Variants in VPS41 observed in about 807,000 individuals in gnomAD.
VPS41 encodes VPS41 subunit of HOPS complex, also known as vacuolar protein sorting-associated protein 41 homolog.
A neutral mutation model predicts 130.9 loss-of-function variants in VPS41; 85 were observed. That is an observed-to-expected ratio of 0.65 (90% CI 0.55 to 0.78). VPS41 has a LOEUF of 0.78. Ranked by LOEUF, VPS41 falls within the 30% of genes least tolerant of loss-of-function variation. VPS41 has a pLI of 0.00. For missense variants in VPS41, 874 were observed against 1,018.7 expected (o/e 0.86, Z 1.93); for synonymous variants, 335 against 332.9 (o/e 1.01, Z -0.07).
intron 13 of VPS41, 56 bp from the exon 14 acceptor site, chr7:38,771,310 G>T: frequency 8.0e-7 from 1 of 1,248,792 alleles, no homozygotes; most frequent in Non-Finnish European, 1.1e-6. Flanking sequence ...AAAGGAGGGA[G>T]GGAAAATGGG....
At chr7:38,908,011 A>G (rs746688074) in intron 1 of VPS41, among the ~76,000 whole-genome samples, 43 of 152,222 alleles carry the variant, frequency 2.8e-4, no homozygotes, top group Non-Finnish European at 5.3e-4. Flanking sequence ...GACCAGCCAA[A>G]CCAAATTTCT....
intron 2 of VPS41, among the ~76,000 whole-genome samples, chr7:38,884,510 A>G (rs1786678839): frequency 6.6e-6 from 1 of 152,172 alleles, no homozygotes; most frequent in Non-Finnish European, 1.5e-5. Flanking sequence ...CAAAGGTAAC[A>G]CAATTTTTTT....
intron 10 of VPS41, among the ~76,000 whole-genome samples, chr7:38,779,460 C>A (rs796172554): frequency 6.6e-6 from 1 of 152,078 alleles, no homozygotes; most frequent in Non-Finnish European, 1.5e-5. Context: ...TATCTGGTTT[C>A]GAGTACTCTC....
At chr7:38,776,596 T>C (rs1784263033) in intron 11 of VPS41, 83 bp downstream of exon 11, 4 of 739,860 alleles carry the variant, frequency 5.4e-6, no homozygotes, top group South Asian at 3.2e-5. Flanking sequence ...TTATAGCGTA[T>C]GCTACTGATG....
intron 2 of VPS41, among the ~76,000 whole-genome samples, chr7:38,877,639 G>A (rs374531131): frequency 6.6e-6 from 1 of 152,100 alleles, no homozygotes; most frequent in African/African-American, 2.4e-5. Flanking sequence ...CAAGTGCAAA[G>A]AAGCAACTTG....
chr7:38,731,423 C>T (rs1022236895), intron 25 of VPS41, among the ~76,000 whole-genome samples: 7 of 152,178 alleles, frequency 4.6e-5, no homozygotes, highest in Non-Finnish European at 7.3e-5. Context: ...AAAATTCATA[C>T]TTGCAATTTC....
chr7:38,829,389 G>A (rs1250393503), intron 5 of VPS41, among the ~76,000 whole-genome samples: 1 of 152,164 alleles, frequency 6.6e-6, no homozygotes, highest in East Asian at 1.9e-4. Flanking sequence ...ACTGACTTTA[G>A]GGCACATAAT....
At chr7:38,810,093 T>C (rs1784912918) in intron 7 of VPS41, among the ~76,000 whole-genome samples, 1 of 147,740 alleles carries the variant, frequency 6.8e-6, no homozygotes, top group South Asian at 2.1e-4. Context: ...TTAAGAGATG[T>C]GCTTTCTCTT....
chr7:38,887,664 A>G (rs1299716840), intron 2 of VPS41, among the ~76,000 whole-genome samples: 1 of 152,182 alleles, frequency 6.6e-6, no homozygotes, highest in Non-Finnish European at 1.5e-5. Flanking sequence ...ATTCACATTC[A>G]GGAAATACAG....
At chr7:38,796,648 C>A in intron 8 of VPS41, 97 bp downstream of exon 8, 2 of 1,575,100 alleles carry the variant, frequency 1.3e-6, no homozygotes, top group Non-Finnish European at 1.7e-6. Context: ...ATCACCACCA[C>A]AGCAAGTGGC....
chr7:38,859,824 T>C (rs982308833), intron 4 of VPS41, among the ~76,000 whole-genome samples: 1 of 152,264 alleles, frequency 6.6e-6, no homozygotes, highest in African/African-American at 2.4e-5. Flanking sequence ...TCTAAGATTT[T>C]ATAAGAATTC....
At chr7:38,862,661 A>G in intron 3 of VPS41, 39 bp from the exon 4 acceptor site, 9 of 1,237,434 alleles carry the variant, frequency 7.3e-6, no homozygotes, top group South Asian at 1.3e-5. Flanking sequence ...TTAATTAATA[A>G]TACTATTAAT....
In VPS41 at chr7:38,851,044, C is replaced by A. The variant is rs4374891; in HGVS notation, c.246+11501G>T. Among the ~76,000 whole-genome samples, 16 of 152,164 alleles carry A rather than the reference C, an allele frequency of 1.1e-4. 2 individuals carry two copies. Among genetic ancestry groups the A allele is most frequent in the Admixed American group, 9.2e-4 (14 of 15,276 alleles). ...GTGATTTCACCTCATAGAACTTATT[C>A]AAAGGACAGAGTCAGTAACAAGATC... On this transcript the variant is annotated intron_variant, in intron 4 of 28. Coordinates refer to ENST00000310301, the MANE Select transcript of VPS41 (RefSeq NM_014396.4).
chr7:38,808,233 C>T lies in VPS41; in HGVS notation c.450+9584G>A, dbSNP rs578063660. Among the ~76,000 whole-genome samples the T allele has an allele frequency of 2.8e-3, 429 of 151,996 alleles. 1 individual carries two copies. Among genetic ancestry groups the T allele is most frequent in the African/African-American group, 9.7e-3 (404 of 41,460 alleles). Reference sequence around the variant, plus strand: ...CAGCAATGAAGAACACCTGTTTTTCCGACTGAAAATGATTTTTATTTAAGC... The same window carrying T: ...CAGCAATGAAGAACACCTGTTTTTCTGACTGAAAATGATTTTTATTTAAGC... On this transcript the variant is annotated intron_variant, in intron 7 of 28. Transcript: ENST00000310301.
At chr7:38,889,560 A>G (rs1261587630) in intron 2 of VPS41, among the ~76,000 whole-genome samples, 1 of 75,400 alleles carries the variant, frequency 1.3e-5, no homozygotes. Context: ...AAAACAAAAC[A>G]AAAAAAAAAA....
intron 7 of VPS41, among the ~76,000 whole-genome samples, chr7:38,806,157 C>T (rs1214575189): frequency 2.0e-5 from 3 of 152,216 alleles, no homozygotes; most frequent in African/African-American, 4.8e-5. Context: ...GGTACTCACA[C>T]ATAGCTGATG....
chr7:38,728,736 A>G lies in VPS41; in HGVS notation c.2315T>C (p.Leu772Pro). ...CATTTGAGTTCGGTGCATTTTCTTC[A>G]GTAAGGACAAAGAGTCAGCTACGAG... ...KILVADSLSL[L>P]KKMHRTQMKG... The change falls in exon 26 of 29, where the codon CTG becomes CCG. Residue 772 changes from leucine to proline, a missense_variant. By Grantham distance (98) the Leu-to-Pro change is moderately conservative. Coordinates refer to ENST00000310301, the MANE Select transcript of VPS41 (RefSeq NM_014396.4). The G allele has an allele frequency of 6.2e-7, 1 of 1,614,186 alleles. No homozygotes were observed. Among genetic ancestry groups the G allele is most frequent in the Non-Finnish European group, 8.5e-7 (1 of 1,180,018 alleles).
chr7:38,790,856 G>A (rs1052475309), intron 9 of VPS41, among the ~76,000 whole-genome samples: 2 of 152,112 alleles, frequency 1.3e-5, no homozygotes, highest in African/African-American at 4.8e-5. Context: ...TATATCTATT[G>A]TAAGCAATAG....
At chr7:38,877,359 T>C (rs530397560) in intron 2 of VPS41, among the ~76,000 whole-genome samples, 19 of 151,104 alleles carry the variant, frequency 1.3e-4, no homozygotes, top group African/African-American at 4.1e-4. Flanking sequence ...AGCAGGGAGG[T>C]CGAGGCACCA....
Sources: gnomAD v4.1 joint callset for allele counts (sites outside exome capture counted in the v4.1 genomes callset) on GRCh38, gnomAD v4.1.1 for gene constraint, MANE v1.5 for transcripts, NCBI Gene and HGNC (gene_info 2026-07-23, HGNC 2026-07-21) for gene names.